UNC13C: variants seen among roughly 807,000 people sequenced by gnomAD.
UNC13C encodes unc-13 homolog C.
A neutral mutation model predicts 245.4 loss-of-function variants in UNC13C; 174 were observed. The ratio of observed to expected loss-of-function variants is 0.71; its 90% CI spans 0.63 to 0.80. The LOEUF (loss-of-function observed/expected upper bound fraction) is 0.80. UNC13C is among the 30% of genes least tolerant of loss of function. The pLI is 0.00. For missense variants in UNC13C, 2,829 were observed against 2,602.9 expected (o/e 1.09, Z -1.89); for synonymous variants, 992 against 895.1 (o/e 1.11, Z -1.93).
intron 30 of UNC13C, among the ~76,000 whole-genome samples, chr15:54,578,757 G>A (rs139510979): frequency 6.6e-6 from 1 of 152,280 alleles, no homozygotes; most frequent in Non-Finnish European, 1.5e-5. Context: ...GGGAGACCAA[G>A]GTGAAAACTG....
At chr15:54,564,971 G>C (rs1275888610) in intron 29 of UNC13C, among the ~76,000 whole-genome samples, 2 of 151,886 alleles carry the variant, frequency 1.3e-5, no homozygotes, top group Non-Finnish European at 2.9e-5. Flanking sequence ...ATAGTGCCGA[G>C]ACTCCCAGGG....
At chr15:54,388,267 T>A (rs2039879441) in intron 17 of UNC13C, among the ~76,000 whole-genome samples, 1 of 152,170 alleles carries the variant, frequency 6.6e-6, no homozygotes, top group Non-Finnish European at 1.5e-5. Context: ...AATATTTAAA[T>A]CTCATTCTCC....
chr15:54,248,222 T>C (rs1376245674), intron 7 of UNC13C, among the ~76,000 whole-genome samples: 3 of 152,176 alleles, frequency 2.0e-5, no homozygotes, highest in Non-Finnish European at 4.4e-5. Context: ...TTTATTATTT[T>C]ATTGCCATTA....
chr15:54,152,268 TA>T (rs2032553904), intron 4 of UNC13C, among the ~76,000 whole-genome samples: 1 of 152,174 alleles, frequency 6.6e-6, no homozygotes, highest in Admixed American at 6.5e-5. Context: ...GCCAACTTAA[TA>T]TGGCAGCTAG....
At chr15:53,845,577 A>T in the UNC13C span, among the ~76,000 whole-genome samples, 4 of 152,172 alleles carry the variant, frequency 2.6e-5, no homozygotes, top group Admixed American at 6.5e-5. Context: ...CATGAAATTT[A>T]TTGAATGCTT....
chr15:54,338,150 A>G (rs554402179), intron 16 of UNC13C, among the ~76,000 whole-genome samples: 1 of 152,284 alleles, frequency 6.6e-6, no homozygotes, highest in East Asian at 1.9e-4. Flanking sequence ...AAGTGTTTTT[A>G]TTTGAGTGTT....
intron 30 of UNC13C, among the ~76,000 whole-genome samples, chr15:54,587,086 C>A (rs534705685): frequency 6.6e-6 from 1 of 152,296 alleles, no homozygotes; most frequent in African/African-American, 2.4e-5. Flanking sequence ...CCATCACTTA[C>A]TACCACCATA....
intron 4 of UNC13C, among the ~76,000 whole-genome samples, chr15:54,147,921 C>G (rs2032350352): frequency 6.6e-6 from 1 of 151,984 alleles, no homozygotes; most frequent in Admixed American, 6.6e-5. Context: ...ATATTATCAT[C>G]TTTATTTTCT....
chr15:53,891,637 C>G, the UNC13C span, among the ~76,000 whole-genome samples: 6 of 152,126 alleles, frequency 3.9e-5, no homozygotes, highest in African/African-American at 1.4e-4. Context: ...CTCTTTTGAT[C>G]TTTGTTGCTT....
At chr15:54,051,343 CT>C (rs1555408082) in intron 2 of UNC13C, among the ~76,000 whole-genome samples, 1 of 152,066 alleles carries the variant, frequency 6.6e-6, no homozygotes, top group Non-Finnish European at 1.5e-5. Flanking sequence ...TATAGAGTGT[CT>C]TGACACTCAT....
chr15:54,388,350 G>A (rs1193300842), intron 17 of UNC13C, among the ~76,000 whole-genome samples: 1 of 152,050 alleles, frequency 6.6e-6, no homozygotes, highest in East Asian at 1.9e-4. Flanking sequence ...TTCAACACTG[G>A]AGAAAACTCA....
chr15:54,500,736 G>A (rs1249717523), intron 21 of UNC13C, 99 bp from the exon 22 acceptor site: 2 of 927,044 alleles, frequency 2.2e-6, no homozygotes, highest in East Asian at 2.5e-5. Flanking sequence ...ATGTAAATAT[G>A]TGATACGGGA....
At chr15:54,480,047 G>C (rs1893016040) in intron 19 of UNC13C, among the ~76,000 whole-genome samples, 1 of 152,084 alleles carries the variant, frequency 6.6e-6, no homozygotes. Context: ...CTGTTGGTTT[G>C]ATGGAGACTC....
chr15:54,476,759 T>C (rs1892766466), intron 19 of UNC13C, among the ~76,000 whole-genome samples: 1 of 147,528 alleles, frequency 6.8e-6, no homozygotes, highest in African/African-American at 2.5e-5. Context: ...TCCAGCTTTG[T>C]TCTTTTGGCT....
the UNC13C span, among the ~76,000 whole-genome samples, chr15:53,969,329 T>C: frequency 7.9e-5 from 12 of 152,180 alleles, no homozygotes; most frequent in Admixed American, 3.9e-4. Context: ...CAGCATTCTA[T>C]CCTCTAACTC....
chr15:54,408,220 A>C (rs1244713443), intron 18 of UNC13C, among the ~76,000 whole-genome samples: 1 of 148,626 alleles, frequency 6.7e-6, no homozygotes, highest in African/African-American at 2.5e-5. Context: ...AAAAAAAAAA[A>C]AAAAAAAAAC....
intron 4 of UNC13C, among the ~76,000 whole-genome samples, chr15:54,207,766 G>A (rs1016229909): frequency 6.6e-6 from 1 of 152,038 alleles, no homozygotes; most frequent in South Asian, 2.1e-4. Flanking sequence ...ATTCACTACT[G>A]TAGTGATCAA....
rs917660478 is a variant in UNC13C, at chr15:54,627,399, T to C, written c.*286T>C. 8 of 235,646 alleles carry C rather than the reference T, an allele frequency of 3.4e-5. No homozygotes were observed. Among genetic ancestry groups the C allele is most frequent in the Non-Finnish European group, 5.0e-5 (6 of 121,018 alleles). The allele number at this position is 235,646 out of a possible 1,614,324, so 14.6% of individuals were successfully genotyped here. ...CATTTCACATTCATTAAACATAATT[T>C]TTAAAAACTAGTCTTTTGAGTTTGC... On this transcript the variant is annotated 3_prime_UTR_variant, in exon 33 of 33. Coordinates refer to ENST00000260323, the MANE Select transcript of UNC13C (RefSeq NM_001080534.3).
At chr15:54,033,466 T>C (rs574764400) in intron 2 of UNC13C, among the ~76,000 whole-genome samples, 1 of 152,290 alleles carries the variant, frequency 6.6e-6, no homozygotes, top group African/African-American at 2.4e-5. Context: ...CTGGAATCTG[T>C]CTTGAAGATC....
Sources: allele counts gnomAD v4.1 joint callset (sites outside exome capture counted in the v4.1 genomes callset), GRCh38; gene constraint gnomAD v4.1.1; transcripts MANE v1.5; gene names NCBI Gene and HGNC (gene_info 2026-07-23, HGNC 2026-07-21).